The following TGM5 variants were observed in gnomAD, a reference collection of about 807,000 sequenced individuals.
TGM5 encodes the protein transglutaminase 5.
A neutral mutation model predicts 77.2 loss-of-function variants in TGM5; 69 were observed. That is an observed-to-expected ratio of 0.89 (90% confidence interval 0.74 to 1.09). TGM5 has a LOEUF of 1.09. TGM5 is among the 50% of genes least tolerant of loss of function. TGM5 has a pLI of 0.00. For synonymous variants in TGM5, 346 were observed against 351.8 expected (o/e 0.98, Z 0.18); for missense variants, 842 against 896.5 (o/e 0.94, Z 0.78).
At position 43,235,699 on chromosome 15, in the gene TGM5, T is replaced by C. The variant is rs770481769; in HGVS notation, c.1484A>G (p.His495Arg). ...SLSQDSPRSL[H>R]TPSLRPSDVV... is the part of the protein sequence containing the mutation. ...ATCACTGGGTCGAAGGGAAGGTGTA[T>C]GCAGGCTCCGAGGGCTGTCCTGGCT... The change falls in exon 10 of 13, where the codon CAT becomes CGT. Residue 495 changes from histidine (H) to arginine (R), a missense_variant. His to Arg is a conservative substitution (Grantham distance 29). This residue lies in a region of TGM5 where 815 missense variants were observed against 844.6 expected (regional missense o/e 0.96). Coordinates refer to ENST00000220420, the MANE Select transcript of TGM5 (RefSeq NM_201631.4). 5.6e-6 allele frequency: 9 copies of C among 1,614,186 alleles called. No individual in the cohort carries two copies. In the South Asian group the frequency reaches 9.9e-5, roughly 18 times the overall value.
rs2042713442 is a variant in TGM5, at chr15:43,252,742, T to A, written c.862+17A>T. On this transcript the variant is annotated intron_variant, in intron 6 of 12. Transcript: ENST00000220420. ...CTATACTTCTGACCTTTTTGTGGGG[T>A]CCTTTCTACCTCCTACCTGTGCACA... The A allele has an allele frequency of 6.2e-7, 1 of 1,612,808 alleles. No individual in the cohort carries two copies. The highest frequency in any genetic ancestry group is 8.5e-7 in the Non-Finnish European group (1 of 1,179,968).
chr15:43,240,909 T>C lies in TGM5; in HGVS notation c.944A>G (p.Asp315Gly). 6.2e-7 allele frequency: 1 copy of C among 1,614,208 alleles called. No individual in the cohort carries two copies. Among genetic ancestry groups the C allele is most frequent in the Non-Finnish European group, 8.5e-7 (1 of 1,180,036 alleles). ...GHDTDGNLII[D>G]EYYDNTGRIL... ...CCTGCCTGTGTTGTCATAATACTCA[T>C]CTATGATCAGGTTTCCATCTGTATC... The change falls in exon 7 of 13, where the codon GAT becomes GGT. Residue 315 changes from aspartate (D) to glycine (G), a missense_variant. Coordinates refer to ENST00000220420, the MANE Select transcript of TGM5 (RefSeq NM_201631.4).
intron 6 of TGM5, among the ~76,000 whole-genome samples, chr15:43,249,166 A>C (rs1262011910): frequency 6.6e-6 from 1 of 152,116 alleles, no homozygotes; most frequent in African/African-American, 2.4e-5. Flanking sequence ...CCCTCAGCCC[A>C]AGTCATTGCT....
intron 5 of TGM5, 109 bp downstream of exon 5, chr15:43,253,397 A>C: frequency 2.0e-6 from 3 of 1,501,698 alleles, no homozygotes; most frequent in Non-Finnish European, 2.7e-6. Flanking sequence ...CTCATCCAAG[A>C]TGGCTTTGCC....
At chr15:43,263,365 A>G (rs1477761873) in intron 1 of TGM5, among the ~76,000 whole-genome samples, 1 of 152,240 alleles carries the variant, frequency 6.6e-6, no homozygotes, top group Admixed American at 6.5e-5. Context: ...ATGGAAATAC[A>G]AGGGATCCAT....
At chr15:43,233,915 C>T (rs2042567372) in intron 11 of TGM5, among the ~76,000 whole-genome samples, 1 of 152,136 alleles carries the variant, frequency 6.6e-6, no homozygotes, top group African/African-American at 2.4e-5. Flanking sequence ...AAAGGTGTCC[C>T]CCCTCCCCTC....
At chr15:43,252,422 A>G (rs915956944) in intron 6 of TGM5, among the ~76,000 whole-genome samples, 4 of 152,014 alleles carry the variant, frequency 2.6e-5, no homozygotes, top group African/African-American at 7.3e-5. Context: ...GGTTCAAGCA[A>G]TTCTCCTGCC....
chr15:43,240,828 A>C, intron 7 of TGM5, 24 bp downstream of exon 7: 1 of 1,613,828 alleles, frequency 6.2e-7, no homozygotes. Context: ...GGCCCTAGAA[A>C]TAGGTTGAGA....
chr15:43,239,224 A>C lies in TGM5; in HGVS notation c.1044T>G (p.Asp348Glu). 1 of 1,614,142 alleles carries C rather than the reference A, an allele frequency of 6.2e-7. No individual in the cohort carries two copies. Among genetic ancestry groups the C allele is most frequent in the Non-Finnish European group, 8.5e-7 (1 of 1,180,026 alleles). ...GCCAGCCTCCATATGCAGGGGGCAG[A>C]TCCTTCCGGGCCATCCAGCACTCAT... is the stretch of plus-strand genomic sequence containing the variant. ...VWNECWMARK[D>E]LPPAYGGWQV... is the part of the protein sequence containing the mutation. Residue 348 changes from aspartate (D) to glutamate (E), a missense_variant, in exon 8 of 13, where the codon GAT (aspartate) becomes GAG (glutamate). By Grantham distance (45) the Asp-to-Glu change is conservative. Coordinates refer to ENST00000220420, the MANE Select transcript of TGM5 (RefSeq NM_201631.4).
intron 6 of TGM5, among the ~76,000 whole-genome samples, chr15:43,244,747 G>A (rs994562384): frequency 6.6e-6 from 1 of 152,152 alleles, no homozygotes; most frequent in Non-Finnish European, 1.5e-5. Flanking sequence ...GACTGGTAGT[G>A]GACCATGTCC....
intron 1 of TGM5, among the ~76,000 whole-genome samples, chr15:43,261,064 TTTTG>T (rs1290096345): frequency 5.4e-5 from 3 of 55,912 alleles, no homozygotes; most frequent in Admixed American, 2.1e-4. Flanking sequence ...CTCTTCCTTT[TTTTG>T]TGTGTGTGTT....
intron 6 of TGM5, among the ~76,000 whole-genome samples, chr15:43,244,497 A>G (rs916555559): frequency 6.6e-6 from 1 of 152,352 alleles, no homozygotes; most frequent in Middle Eastern, 3.4e-3. Flanking sequence ...ATGGACATGC[A>G]TACACTACAT....
At chr15:43,252,281 CAT>C (rs1040250828) in intron 6 of TGM5, among the ~76,000 whole-genome samples, 4 of 152,208 alleles carry the variant, frequency 2.6e-5, no homozygotes, top group Admixed American at 1.3e-4. Flanking sequence ...TAAGCCCAGA[CAT>C]GTGCAGTCTG....
intron 4 of TGM5, among the ~76,000 whole-genome samples, chr15:43,256,298 A>G (rs2042741577): frequency 6.6e-6 from 1 of 152,130 alleles, no homozygotes. Flanking sequence ...TTCCATCTTC[A>G]CCCTCATGCT....
intron 6 of TGM5, among the ~76,000 whole-genome samples, chr15:43,250,543 C>T (rs2042696997): frequency 6.6e-6 from 1 of 152,202 alleles, no homozygotes; most frequent in South Asian, 2.1e-4. Context: ...CCCCAATAAA[C>T]ATTAGTTACT....
chr15:43,243,287 A>ATGAG (rs1484560223), intron 6 of TGM5, among the ~76,000 whole-genome samples: 1 of 152,170 alleles, frequency 6.6e-6, no homozygotes, highest in Non-Finnish European at 1.5e-5. Context: ...GGATGGATGG[A>ATGAG]TGAGTGGTGT....
Position 43,241,088 on chromosome 15 carries a change from G to A in TGM5, c.863-98C>T, listed in dbSNP as rs1217231754. 15 of 1,497,206 alleles carry A rather than the reference G, an allele frequency of 1.0e-5. No homozygotes were observed. In the Admixed American group the frequency reaches 2.7e-4, roughly 27 times the overall value. 92.7% of individuals were successfully genotyped at this position (1,497,206 alleles called of 1,614,324 possible). A position where few individuals can be genotyped will look rare whatever the true frequency, so the allele number is the denominator to read the frequency against. On this transcript the variant is annotated intron_variant, in intron 6 of 12. Coordinates refer to ENST00000220420, the MANE Select transcript of TGM5 (RefSeq NM_201631.4). Reference sequence around the variant, plus strand: ...CTGGACCTGGGGAAATCTTCCATTTGCCATCTGCAGGAACATGCTGGAGCT... The same window carrying A: ...CTGGACCTGGGGAAATCTTCCATTTACCATCTGCAGGAACATGCTGGAGCT...
chr15:43,234,044 C>T (rs959991873), intron 11 of TGM5, among the ~76,000 whole-genome samples: 2 of 152,176 alleles, frequency 1.3e-5, no homozygotes, highest in African/African-American at 4.8e-5. Flanking sequence ...CATGAGTTTC[C>T]CATGTATTTG....
rs1413920198 is a variant in TGM5 at position 43,260,102 on chromosome 15, G to A, written c.386C>T (p.Thr129Met). 1.2e-5 allele frequency: 20 copies of A among 1,614,024 alleles called. No homozygotes were observed. The East Asian group carries it at 1.3e-4, about 11-fold the overall frequency. Residue 129 changes from threonine (T) to methionine (M), a missense_variant, in exon 3 of 13, where the codon ACG becomes ATG. By Grantham distance (81) the Thr-to-Met change is moderately conservative (BLOSUM62 -1). Coordinates refer to ENST00000220420, the MANE Select transcript of TGM5 (RefSeq NM_201631.4). The stretch of plus-strand genomic sequence containing the variant: ...GATGAACTCCCCTAGCTGGTAGGCC[G>A]TCACAGACCCCTGGAAGGAGTCGAT... ...IHIDSFQGSV[T>M]AYQLGEFILL...
Sources: allele counts gnomAD v4.1 joint callset (sites outside exome capture counted in the v4.1 genomes callset), GRCh38; gene constraint gnomAD v4.1.1; regional missense constraint gnomAD v4.1.1; transcripts MANE v1.5; gene names NCBI Gene and HGNC (gene_info 2026-07-23, HGNC 2026-07-21).